The following SIRPB2 variants were observed in gnomAD, a reference collection of about 807,000 sequenced individuals.
The protein encoded by SIRPB2 is signal regulatory protein beta 2.
In SIRPB2, 18 loss-of-function variants were observed where a neutral mutation model predicts 27.1. That is an observed-to-expected ratio of 0.66 (90% CI 0.46 to 0.98). SIRPB2 has a LOEUF of 0.98. Among genes scored for constraint, SIRPB2 ranks in the 50% least tolerant of loss-of-function variants. The pLI is 0.00. For missense variants in SIRPB2, 420 were observed against 417.4 expected, an observed-to-expected ratio of 1.01 and a Z score of -0.06; for synonymous variants, 150 against 164.6, an observed-to-expected ratio of 0.91 and a Z score of 0.68.
chr20:1,488,357 G>T (rs2090746768), intron 1 of SIRPB2, among the ~76,000 whole-genome samples: 1 of 152,134 alleles, frequency 6.6e-6, no homozygotes, highest in Non-Finnish European at 1.5e-5. Flanking sequence ...CACAGTGAGA[G>T]GTTGGTAATC....
intron 1 of SIRPB2, 24 bp downstream of exon 1, chr20:1,491,251 T>C (rs2090774222): frequency 1.1e-5 from 17 of 1,600,040 alleles, no homozygotes; most frequent in Non-Finnish European, 1.4e-5. Flanking sequence ...GGGTGGACCC[T>C]GTTCTATCCT....
At chr20:1,481,942 C>G (rs2090675247) in intron 1 of SIRPB2, among the ~76,000 whole-genome samples, 6 of 152,158 alleles carry the variant, frequency 3.9e-5, no homozygotes, top group Admixed American at 1.3e-4. Flanking sequence ...GTGCCTGTTC[C>G]CACCAGCCAA....
At chr20:1,476,751 C>T (rs189361752) in intron 4 of SIRPB2, 610 of 1,050,416 alleles carry the variant, frequency 5.8e-4, no homozygotes, top group African/African-American at 8.9e-4. Flanking sequence ...GGAGCAGGGC[C>T]GAGCATCAGG....
At chr20:1,476,517 G>A (rs1400715797) in intron 4 of SIRPB2, 181 bp from the exon 5 acceptor site, 10 of 382,344 alleles carry the variant, frequency 2.6e-5, no homozygotes, top group Non-Finnish European at 2.9e-5. Flanking sequence ...CCCAGAGAAC[G>A]GTTGCCCAAT....
chr20:1,486,324 C>T (rs2090726172), intron 1 of SIRPB2, among the ~76,000 whole-genome samples: 1 of 152,118 alleles, frequency 6.6e-6, no homozygotes, highest in Admixed American at 6.5e-5. Context: ...TCGCCTGCCT[C>T]AGCCTCCAAA....
chr20:1,478,373 A>G lies in SIRPB2; in HGVS notation c.686T>C (p.Leu229Pro). 2 of 1,614,206 alleles carry G rather than the reference A, an allele frequency of 1.2e-6. No homozygotes were observed. Among genetic ancestry groups the G allele is most frequent in the African/African-American group, 1.3e-5 (1 of 75,050 alleles). ...TGCATCCTCACTGGAGACGTTTTGC[A>G]GAAGAATGCTGAAGTCATTGTTGGA... Reference protein sequence around the residue: ...QASNNDFSILLQNVSSEDAGT... With the variant: ...QASNNDFSILPQNVSSEDAGT... The change falls in exon 3 of 5, where the codon CTG becomes CCG. Residue 229 changes from leucine (L) to proline (P), a missense_variant. Transcript: ENST00000359801.
rs1355851626 is a variant in SIRPB2, at chr20:1,479,341, T to G, written c.451+359A>C. On this transcript the variant is annotated intron_variant, in intron 2 of 4. Coordinates refer to ENST00000359801, the MANE Select transcript of SIRPB2 (RefSeq NM_001122962.2). ...TTGGTGCATGGTGGAAGACTATTCT[T>G]CCTTGTCCCTTGACTTGGAGCTGAG... 7 of 302,180 alleles carry G rather than the reference T, an allele frequency of 2.3e-5. No individual in the cohort carries two copies. The East Asian group carries it at 5.7e-4, about 24-fold the overall frequency. 18.7% of individuals were successfully genotyped at this position (302,180 alleles called of 1,614,324 possible).
chr20:1,479,978 A>T lies in SIRPB2; in HGVS notation c.173T>A (p.Leu58Gln), dbSNP rs753024582. 8 of 1,614,056 alleles carry T rather than the reference A, an allele frequency of 5.0e-6. No individual in the cohort carries two copies. The highest frequency in any genetic ancestry group is 6.8e-6 in the Non-Finnish European group (8 of 1,180,034). The change falls in exon 2 of 5, where the codon CTG becomes CAG. Residue 58 changes from leucine (L) to glutamine (Q), a missense_variant. Coordinates refer to ENST00000359801, the MANE Select transcript of SIRPB2 (RefSeq NM_001122962.2). ...GCAGGAGCCGACCACCATACACCTC[A>T]GTAGAAGTGTCTCACCTTCTGCCAC... ...MLVAEGETLLLRCMVVGSCTD... is the reference protein window; with the variant it reads ...MLVAEGETLLQRCMVVGSCTD...
chr20:1,478,594 AG>A lies in SIRPB2; in HGVS notation c.464del (p.Pro155LeufsTer24). 4.4e-6 allele frequency: 7 copies of A among 1,575,720 alleles called. No homozygotes were observed. The highest frequency in any genetic ancestry group is 6.1e-6 in the Non-Finnish European group (7 of 1,156,930). Reference sequence around the variant, plus strand: ...GCTGGATGATCCACAGGTCTGGTTCAGGGTCCCCAGCTCCTGAAGCCAAAGA... The same window carrying A: ...GCTGGATGATCCACAGGTCTGGTTCAGGTCCCCAGCTCCTGAAGCCAAAGA... ...TSVLVKGAGDPEPDLWIIQPQ... is the reference protein window; with the variant it reads ...TSVLVKGAGDXEPDLWIIQPQ... On this transcript the variant is annotated frameshift_variant, in exon 3 of 5. Coordinates refer to ENST00000359801, the MANE Select transcript of SIRPB2 (RefSeq NM_001122962.2). LOFTEE classifies it high-confidence loss of function.
chr20:1,470,817 G>T (rs2090578997), downstream of SIRPB2: 1 of 151,738 alleles, frequency 6.6e-6, no homozygotes, highest in Non-Finnish European at 1.5e-5. Flanking sequence ...TTCACAGCCA[G>T]GGGGACCACC....
intron 3 of SIRPB2, among the ~76,000 whole-genome samples, chr20:1,477,659 G>A (rs1231234919): frequency 1.3e-5 from 2 of 152,222 alleles, no homozygotes; most frequent in African/African-American, 4.8e-5. Context: ...TGTAGTAGAT[G>A]TTTGTTGAAT....
chr20:1,476,982 C>A (rs1266081452), intron 4 of SIRPB2: 3 of 1,231,306 alleles, frequency 2.4e-6, no homozygotes, highest in Non-Finnish European at 3.1e-6. Context: ...GCCCATTACA[C>A]TAGGAAGGGG....
chr20:1,479,823 A>C lies in SIRPB2; in HGVS notation c.328T>G (p.Tyr110Asp). 6.2e-7 allele frequency: 1 copy of C among 1,614,254 alleles called. No homozygotes were observed. The highest frequency in any genetic ancestry group is 8.5e-7 in the Non-Finnish European group (1 of 1,180,044). ...QRTSEPLNCD[Y>D]SIYIHNVTRE... Reference sequence around the variant, plus strand: ...GTGACATTGTGGATATAGATGGAATAATCACAATTCAGTGGTTCTGATGTC... The same window carrying C: ...GTGACATTGTGGATATAGATGGAATCATCACAATTCAGTGGTTCTGATGTC... The change falls in exon 2 of 5, where the codon TAT becomes GAT. Residue 110 changes from tyrosine to aspartate, a missense_variant. Physicochemically the swap from Tyr to Asp is radical, Grantham distance 160. Transcript: ENST00000359801.
chr20:1,476,256 A>T lies in SIRPB2; in HGVS notation c.940T>A (p.Ser314Thr). The T allele has an allele frequency of 1.2e-6, 2 of 1,613,878 alleles. No homozygotes were observed. The highest frequency in any genetic ancestry group is 2.2e-5 in the South Asian group (2 of 91,066). Residue 314 changes from serine (S) to threonine (T), a missense_variant, in exon 5 of 5, where the codon TCT (serine) becomes ACT (threonine). Physicochemically the swap from Ser to Thr is moderately conservative, Grantham distance 58. Transcript: ENST00000359801. ...TCTTCTTGCCCAGGGCTCCTCCGAG[A>T]GGTAGCCAGGGCCAGTAGGAGTGCA... ...LAALLLALAT[S>T]RRSPGQEDVK...
chr20:1,480,820 G>A (rs577370067), intron 1 of SIRPB2, among the ~76,000 whole-genome samples: 1 of 152,350 alleles, frequency 6.6e-6, no homozygotes, highest in Admixed American at 6.5e-5. Context: ...CAGTAAGAGG[G>A]TGACAGGCTT....
intron 1 of SIRPB2, among the ~76,000 whole-genome samples, chr20:1,486,076 CTTT>C (rs200298743): frequency 4.2e-5 from 6 of 141,484 alleles, no homozygotes; most frequent in Non-Finnish European, 3.1e-5. Flanking sequence ...CTTTTCTTTT[CTTT>C]TTTTTTTTTT....
At chr20:1,477,530 A>T in intron 3 of SIRPB2, 127 bp from the exon 4 acceptor site, 1 of 1,473,508 alleles carries the variant, frequency 6.8e-7, no homozygotes, top group Non-Finnish European at 9.0e-7. Context: ...TAGAAGTCAA[A>T]CCCTGCAGCT....
intron 4 of SIRPB2, 199 bp downstream of exon 4, chr20:1,477,139 G>A (rs2090613410): frequency 6.5e-7 from 1 of 1,541,022 alleles, no homozygotes; most frequent in Non-Finnish European, 8.7e-7. Flanking sequence ...CCCTGGCTAT[G>A]AGAAAGTTCG....
chr20:1,486,493 A>C (rs1437294226), intron 1 of SIRPB2, among the ~76,000 whole-genome samples: 2 of 152,166 alleles, frequency 1.3e-5, no homozygotes, highest in Non-Finnish European at 2.9e-5. Flanking sequence ...CTTGAAACCG[A>C]AGCCTTTTCC....
Sources: gnomAD v4.1 joint callset for allele counts (sites outside exome capture counted in the v4.1 genomes callset) on GRCh38, gnomAD v4.1.1 for gene constraint, MANE v1.5 for transcripts, NCBI Gene and HGNC (gene_info 2026-07-23, HGNC 2026-07-21) for gene names.